Variants in EIF4ENIF1 observed in about 807,000 individuals in gnomAD.
EIF4ENIF1 encodes eukaryotic translation initiation factor 4E nuclear import factor 1, also known as eukaryotic translation initiation factor 4E transporter.
In EIF4ENIF1, 23 loss-of-function variants were observed where a neutral mutation model predicts 110.5. That is an observed-to-expected ratio of 0.21 (90% CI 0.15 to 0.29). The LOEUF is 0.29. Ranked by LOEUF, EIF4ENIF1 falls within the 10% of genes least tolerant of loss-of-function variation. EIF4ENIF1 has a pLI of 1.00. For synonymous variants in EIF4ENIF1, 440 were observed against 437.0 expected, an observed-to-expected ratio of 1.01 and a Z score of -0.09; for missense variants, 1,031 against 1,221.1, an observed-to-expected ratio of 0.84 and a Z score of 2.32.
At chr22:31,480,039 C>A (rs775286493) in intron 2 of EIF4ENIF1, among the ~76,000 whole-genome samples, 19 of 152,184 alleles carry the variant, frequency 1.2e-4, no homozygotes, top group Non-Finnish European at 2.5e-4. Context: ...TAGGAACTTA[C>A]TGATCACGAA....
intron 6 of EIF4ENIF1, 119 bp downstream of exon 6, chr22:31,462,813 C>A: frequency 9.8e-7 from 1 of 1,016,686 alleles, no homozygotes; most frequent in South Asian, 1.6e-5. Flanking sequence ...AAACTCCTGA[C>A]CTCAGGTGAT....
intron 2 of EIF4ENIF1, among the ~76,000 whole-genome samples, chr22:31,477,357 C>CAAAA (rs749894840): frequency 3.2e-4 from 15 of 46,822 alleles, no homozygotes; most frequent in East Asian, 1.1e-3. Context: ...CCTCTGTCTC[C>CAAAA]AAAAAAAAAA....
chr22:31,465,930 T>C (rs375567910), intron 4 of EIF4ENIF1, among the ~76,000 whole-genome samples: 22 of 152,324 alleles, frequency 1.4e-4, no homozygotes, highest in South Asian at 8.3e-4. Context: ...ACTCCATTTA[T>C]ATAAAATCCT....
At chr22:31,447,232 T>C (rs1396900410) in intron 14 of EIF4ENIF1, among the ~76,000 whole-genome samples, 194 bp downstream of exon 14, 3 of 152,224 alleles carry the variant, frequency 2.0e-5, no homozygotes, top group Non-Finnish European at 4.4e-5. Context: ...GAAAGCCCTA[T>C]GCCTTGCAGT....
intron 7 of EIF4ENIF1, among the ~76,000 whole-genome samples, chr22:31,456,762 C>T (rs975251978): frequency 6.6e-6 from 1 of 152,042 alleles, no homozygotes; most frequent in Non-Finnish European, 1.5e-5. Flanking sequence ...TCAAATGATC[C>T]ACCTGCCTTG....
upstream of EIF4ENIF1, among the ~76,000 whole-genome samples, chr22:31,491,528 G>A (rs116722522): frequency 4.9e-3 from 753 of 152,172 alleles, 6 homozygotes; most frequent in African/African-American, 0.017. Flanking sequence ...TACTTTTTAG[G>A]CTTGCAGAGG....
chr22:31,465,823 C>T (rs184520361), intron 4 of EIF4ENIF1, among the ~76,000 whole-genome samples: 52 of 152,282 alleles, frequency 3.4e-4, no homozygotes, highest in South Asian at 1.0e-3. Context: ...CAATGGAATA[C>T]TATTAAGCAA....
At chr22:31,492,106 C>T (rs2052291766), upstream of EIF4ENIF1, among the ~76,000 whole-genome samples, 1 of 152,110 alleles carries the variant, frequency 6.6e-6, no homozygotes, top group Admixed American at 6.6e-5. Flanking sequence ...TTAGAGCTGT[C>T]CCTGGAACAC....
At chr22:31,441,686 A>G (rs1371210348) in intron 17 of EIF4ENIF1, 88 bp downstream of exon 17, 12 of 1,165,820 alleles carry the variant, frequency 1.0e-5, no homozygotes, top group Non-Finnish European at 1.3e-5. Context: ...AGGGATGGAA[A>G]TCTCCCACAT....
intron 3 of EIF4ENIF1, among the ~76,000 whole-genome samples, chr22:31,470,096 G>T (rs1249708899): frequency 1.4e-5 from 2 of 146,942 alleles, no homozygotes; most frequent in African/African-American, 2.5e-5. Flanking sequence ...CCCGGGAGGG[G>T]AAGGTTGTGG....
chr22:31,457,825 G>A (rs1479225977), intron 7 of EIF4ENIF1, among the ~76,000 whole-genome samples: 1 of 152,120 alleles, frequency 6.6e-6, no homozygotes, highest in Non-Finnish European at 1.5e-5. Context: ...ACTTTTAAGT[G>A]CACTAATTTT....
chr22:31,451,754 G>A (rs1300097214), intron 10 of EIF4ENIF1, among the ~76,000 whole-genome samples: 1 of 150,918 alleles, frequency 6.6e-6, no homozygotes, highest in Non-Finnish European at 1.5e-5. Context: ...GGCCTCCCAC[G>A]TAGCTCGAAC....
At chr22:31,457,673 A>AT (rs2145962878) in intron 7 of EIF4ENIF1, among the ~76,000 whole-genome samples, 1 of 152,204 alleles carries the variant, frequency 6.6e-6, no homozygotes, top group East Asian at 1.9e-4. Context: ...CCATACCCAA[A>AT]TTAAGCCACA....
intron 2 of EIF4ENIF1, among the ~76,000 whole-genome samples, chr22:31,474,632 G>A (rs1037840508): frequency 6.6e-6 from 1 of 151,826 alleles, no homozygotes; most frequent in African/African-American, 2.4e-5. Flanking sequence ...CTGGGAACTG[G>A]GTATCCTCAT....
At position 31,459,927 on chromosome 22, in the gene EIF4ENIF1, A is replaced by G. The variant is rs892407664; in HGVS notation, c.788-1277T>C. ...GTAAAATAAGGAGGTGCCACTACCA[A>G]TCTATCTCACTCCTGACTCCTGCAC... is the stretch of plus-strand genomic sequence containing the variant. On this transcript the variant is annotated intron_variant, in intron 6 of 18. Coordinates refer to ENST00000330125, the MANE Select transcript of EIF4ENIF1 (RefSeq NM_019843.4). Among the ~76,000 whole-genome samples, 5 of 152,130 alleles carry G rather than the reference A, an allele frequency of 3.3e-5. No individual in the cohort carries two copies. In the East Asian group the frequency reaches 7.7e-4, roughly 23 times the overall value.
chr22:31,464,145 A>C (rs1227812903), intron 4 of EIF4ENIF1, 178 bp from the exon 5 acceptor site: 1 of 697,964 alleles, frequency 1.4e-6, no homozygotes, highest in Non-Finnish European at 2.3e-6. Context: ...AATAAGGCTG[A>C]GACATTGGCC....
At chr22:31,451,753 C>T (rs953487541) in intron 10 of EIF4ENIF1, among the ~76,000 whole-genome samples, 3 of 151,718 alleles carry the variant, frequency 2.0e-5, no homozygotes, top group Non-Finnish European at 4.4e-5. Flanking sequence ...TGGCCTCCCA[C>T]GTAGCTCGAA....
At chr22:31,485,478 T>A (rs2051984063) in intron 2 of EIF4ENIF1, among the ~76,000 whole-genome samples, 2 of 152,188 alleles carry the variant, frequency 1.3e-5, no homozygotes, top group South Asian at 4.1e-4. Flanking sequence ...TGAAAGTGAT[T>A]CAAAAGCCTC....
chr22:31,450,057 G>T (rs921184009), intron 11 of EIF4ENIF1, among the ~76,000 whole-genome samples: 3 of 151,672 alleles, frequency 2.0e-5, no homozygotes, highest in Admixed American at 2.0e-4. Flanking sequence ...CACAGAAACT[G>T]CAAAGGAAAC....
Sources: allele counts gnomAD v4.1 joint callset (sites outside exome capture counted in the v4.1 genomes callset), GRCh38; gene constraint gnomAD v4.1.1; transcripts MANE v1.5; gene names NCBI Gene and HGNC (gene_info 2026-07-23, HGNC 2026-07-21).